The following RNF216 variants were observed in gnomAD, a reference collection of about 807,000 sequenced individuals.
RNF216 encodes the protein E3 ubiquitin-protein ligase RNF216.
A neutral mutation model predicts 110.8 loss-of-function variants in RNF216; 72 were observed. The ratio of observed to expected loss-of-function variants is 0.65; its 90% CI spans 0.54 to 0.79. RNF216 has a LOEUF of 0.79. Among genes scored for constraint, RNF216 ranks in the 30% least tolerant of loss-of-function variants. The pLI is 0.00. For missense variants in RNF216, 1,342 were observed against 1,141.2 expected (o/e 1.18, Z -2.54); for synonymous variants, 495 against 407.5 (o/e 1.21, Z -2.59).
At chr7:5,717,955 C>T (rs1319418941) in intron 9 of RNF216, among the ~76,000 whole-genome samples, 2 of 151,992 alleles carry the variant, frequency 1.3e-5, no homozygotes, top group African/African-American at 4.8e-5. Context: ...GTGGCACACA[C>T]CTGTAATCCC....
intron 13 of RNF216, among the ~76,000 whole-genome samples, chr7:5,691,761 T>A (rs1190863836): frequency 6.6e-6 from 1 of 152,260 alleles, no homozygotes; most frequent in East Asian, 1.9e-4. Flanking sequence ...TACTAGTGTA[T>A]GAAATTGAGG....
rs1403769209 is a variant in RNF216, at chr7:5,741,692, T to C, written c.325A>G (p.Ser109Gly). The C allele has an allele frequency of 1.2e-6, 2 of 1,614,106 alleles. No homozygotes were observed. Among genetic ancestry groups the C allele is most frequent in the Non-Finnish European group, 1.7e-6 (2 of 1,180,048 alleles). The change falls in exon 4 of 17, where the codon AGC (serine) becomes GGC (glycine). Residue 109 changes from serine (S) to glycine (G), a missense_variant. Physicochemically the swap from Ser to Gly is moderately conservative, Grantham distance 56. Coordinates refer to ENST00000389902, the MANE Select transcript of RNF216 (RefSeq NM_207111.4). ...SRAAFESDKSSYFSVCNNPLF... is the reference protein window; with the variant it reads ...SRAAFESDKSGYFSVCNNPLF... ...GGGTTGTTACACACTGAAAAATAGCTGCTCTTATCTGATTCAAATGCTGCT... is the reference window on the plus strand; with the variant it reads ...GGGTTGTTACACACTGAAAAATAGCCGCTCTTATCTGATTCAAATGCTGCT...
At chr7:5,781,168 C>G (rs1290920017) in intron 1 of RNF216, among the ~76,000 whole-genome samples, 2 of 152,152 alleles carry the variant, frequency 1.3e-5, no homozygotes. Flanking sequence ...AGGCCGCGCT[C>G]GGGTGCACGG....
intron 14 of RNF216, among the ~76,000 whole-genome samples, chr7:5,646,361 G>C (rs1016560144): frequency 6.6e-6 from 1 of 151,168 alleles, no homozygotes; most frequent in Non-Finnish European, 1.5e-5. Context: ...GTGACAAGGC[G>C]AGACTCCATC....
chr7:5,690,751 C>T (rs1221430599), intron 13 of RNF216, among the ~76,000 whole-genome samples: 1 of 145,552 alleles, frequency 6.9e-6, no homozygotes, highest in Non-Finnish European at 1.5e-5. Context: ...TCTGCTGATG[C>T]TCCTGCAATA....
chr7:5,739,830 G>A (rs990184341), intron 4 of RNF216, among the ~76,000 whole-genome samples: 30 of 151,844 alleles, frequency 2.0e-4, no homozygotes, highest in East Asian at 7.8e-4. Context: ...GTGAAACCCC[G>A]TCTCTACTAA....
chr7:5,736,353 C>T (rs772171212), intron 5 of RNF216, among the ~76,000 whole-genome samples: 46 of 152,320 alleles, frequency 3.0e-4, no homozygotes, highest in Non-Finnish European at 4.9e-4. Flanking sequence ...AGCTCCTAAC[C>T]GGGACTGATC....
chr7:5,741,919 C>A, intron 3 of RNF216, 104 bp from the exon 4 acceptor site: 1 of 1,171,500 alleles, frequency 8.5e-7, no homozygotes, highest in African/African-American at 1.5e-5. Flanking sequence ...GAAACAAAAA[C>A]ACCATCTCCC....
chr7:5,630,944 C>T (rs762360929), intron 15 of RNF216, among the ~76,000 whole-genome samples: 8 of 152,162 alleles, frequency 5.3e-5, no homozygotes, highest in East Asian at 1.9e-4. Flanking sequence ...GTTTCTGAAT[C>T]GGAACTTCTG....
chr7:5,780,877 G>A (rs1797046537), intron 1 of RNF216, among the ~76,000 whole-genome samples: 1 of 152,324 alleles, frequency 6.6e-6, no homozygotes, highest in African/African-American at 2.4e-5. Flanking sequence ...GGTTGCAAGT[G>A]GCCCAGAGTC....
At chr7:5,663,937 A>G (rs1309922725) in intron 13 of RNF216, among the ~76,000 whole-genome samples, 12 of 152,078 alleles carry the variant, frequency 7.9e-5, no homozygotes. Context: ...AAAACAAAAA[A>G]AAAGTTCACT....
intron 14 of RNF216, among the ~76,000 whole-genome samples, chr7:5,646,497 T>C (rs896804601): frequency 1.3e-5 from 2 of 151,974 alleles, no homozygotes; most frequent in South Asian, 2.1e-4. Context: ...ATCGAGACTA[T>C]CCTGGCTAAC....
intron 16 of RNF216, 66 bp downstream of exon 16, chr7:5,623,990 A>T (rs1786552271): frequency 7.2e-7 from 1 of 1,397,008 alleles, no homozygotes; most frequent in Non-Finnish European, 1.0e-6. Context: ...ACACTCAGGG[A>T]GGCCAGCAGA....
At position 5,748,611 on chromosome 7, in the gene RNF216, T is replaced by TACACACACACAC. The variant is rs10588945; in HGVS notation, c.201+4223_201+4234dup. ...GAATGCAGTATATTTTTTATATACA[T>TACACACACACAC]ACACACACACACACACACACACACA... is the stretch of plus-strand genomic sequence containing the variant. On this transcript the variant is annotated intron_variant, in intron 3 of 16. Coordinates refer to ENST00000389902, the MANE Select transcript of RNF216 (RefSeq NM_207111.4). Among the ~76,000 whole-genome samples, 3 of 143,160 alleles carry TACACACACACAC rather than the reference T, an allele frequency of 2.1e-5. No homozygotes were observed. In the East Asian group the frequency reaches 6.3e-4, roughly 30 times the overall value. 93.9% of individuals were successfully genotyped at this position (143,160 alleles called of 152,430 possible). A position where few individuals can be genotyped will look rare whatever the true frequency, so the allele number is the denominator to read the frequency against.
Position 5,769,041 on chromosome 7 carries a change from G to C in RNF216, c.-69-7903C>G, listed in dbSNP as rs183005151. 5.3e-5 allele frequency among the ~76,000 whole-genome samples: 8 copies of C among 150,758 alleles called. No homozygotes were observed. The East Asian group carries it at 1.6e-3, about 29-fold the overall frequency. On this transcript the variant is annotated intron_variant, in intron 1 of 16. Transcript: ENST00000389902. Reference sequence around the variant, plus strand: ...ACTATTTTGACTAAATAAACTGAAAGATAATGAAAACAAAATATATCAAAA... The same window carrying C: ...ACTATTTTGACTAAATAAACTGAAACATAATGAAAACAAAATATATCAAAA...
chr7:5,628,003 G>A (rs1341957933), intron 15 of RNF216, among the ~76,000 whole-genome samples: 1 of 152,186 alleles, frequency 6.6e-6, no homozygotes, highest in Non-Finnish European at 1.5e-5. Flanking sequence ...CGCGAGCCCA[G>A]GTTTCTGATA....
chr7:5,780,526 G>A (rs994289721), intron 1 of RNF216, among the ~76,000 whole-genome samples: 34 of 152,166 alleles, frequency 2.2e-4, no homozygotes, highest in Non-Finnish European at 3.1e-4. Context: ...GAGAAATCCC[G>A]TCTCTACTAA....
intron 2 of RNF216, among the ~76,000 whole-genome samples, chr7:5,755,822 T>C (rs1194248274): frequency 1.3e-5 from 2 of 152,116 alleles, no homozygotes; most frequent in East Asian, 3.9e-4. Context: ...AAATGCTGAG[T>C]CATGGGGTAA....
At chr7:5,661,608 G>T (rs1789142903) in intron 13 of RNF216, among the ~76,000 whole-genome samples, 1 of 152,148 alleles carries the variant, frequency 6.6e-6, no homozygotes, top group South Asian at 2.1e-4. Context: ...TTTGAGACCA[G>T]CCTGGCCAAC....
Sources: allele counts gnomAD v4.1 joint callset (sites outside exome capture counted in the v4.1 genomes callset), GRCh38; gene constraint gnomAD v4.1.1; transcripts MANE v1.5; gene names NCBI Gene and HGNC (gene_info 2026-07-23, HGNC 2026-07-21).